GLIPR1: variants seen among roughly 807,000 people sequenced by gnomAD.
GLIPR1 encodes the protein GLI pathogenesis related 1, also known as glioma pathogenesis-related protein 1.
Under a neutral mutation model 30.3 loss-of-function variants are expected in GLIPR1, and 38 were observed. The ratio of observed to expected loss-of-function variants is 1.26; its 90% CI spans 0.97 to 1.65. The LOEUF (loss-of-function observed/expected upper bound fraction) is 1.65, where lower values mean the gene tolerates loss of function less well. Among genes scored for constraint, GLIPR1 ranks in the 40% most tolerant of loss-of-function variants. The pLI is 0.00. For synonymous variants in GLIPR1, 122 were observed against 110.6 expected (o/e 1.10, Z -0.65); for missense variants, 285 against 326.5 (o/e 0.87, Z 0.98).
chr12:75,487,632 A>G lies in GLIPR1; in HGVS notation c.421-2774A>G, dbSNP rs1161452519. ...GGAGAAGGCAGCCCACACTCTGCCC[A>G]TCATCTCCCTAGTCACGTCCCCACT... On this transcript the variant is annotated intron_variant, in intron 2 of 5. Transcript: ENST00000266659. The G allele has an allele frequency of 8.0e-6, 3 of 373,500 alleles. No individual in the cohort carries two copies. The Admixed American group carries it at 9.7e-5, about 12-fold the overall frequency. The allele number at this position is 373,500 out of a possible 1,614,324, so 23.1% of individuals were successfully genotyped here.
rs141156393 is a variant in GLIPR1, at chr12:75,498,334, C to A, written c.620-360C>A. 466 of 172,242 alleles carry A rather than the reference C, an allele frequency of 2.7e-3. 2 individuals carry two copies. The highest frequency in any genetic ancestry group is 0.01 in the African/African-American group (421 of 41,896). The allele number at this position is 172,242 out of a possible 1,614,324, so 10.7% of individuals were successfully genotyped here. A position where few individuals can be genotyped will look rare whatever the true frequency, so the allele number is the denominator to read the frequency against. On this transcript the variant is annotated intron_variant, in intron 4 of 5. Coordinates refer to ENST00000266659, the MANE Select transcript of GLIPR1 (RefSeq NM_006851.3). ...TCATCATAAACAGTATCATTCTTCT[C>A]AGGAAGAAACTTATTTTTAGAACTA...
chr12:75,498,580 A>C, intron 4 of GLIPR1, 114 bp from the exon 5 acceptor site: 1 of 779,728 alleles, frequency 1.3e-6, no homozygotes, highest in Non-Finnish European at 2.1e-6. Flanking sequence ...AAGTCACTGC[A>C]ATAAAGCCAA....
chr12:75,482,340 T>C (rs964127551), intron 2 of GLIPR1, among the ~76,000 whole-genome samples: 4 of 152,228 alleles, frequency 2.6e-5, no homozygotes, highest in African/African-American at 9.6e-5. Context: ...CATAGGACTT[T>C]ATTCCATTTG....
Position 75,480,826 on chromosome 12 carries a change from A to G in GLIPR1, c.-55A>G. 1.4e-6 allele frequency: 2 copies of G among 1,445,630 alleles called. No homozygotes were observed. The highest frequency in any genetic ancestry group is 1.9e-6 in the Non-Finnish European group (2 of 1,052,576). The allele number at this position is 1,445,630 out of a possible 1,614,324, so 89.6% of individuals were successfully genotyped here. The stretch of plus-strand genomic sequence containing the variant: ...TGAGCACTCAGGCAATCACACTCTC[A>G]GAAACTGCGGCGGCTCTGGACTGCA... On this transcript the variant is annotated 5_prime_UTR_variant, in exon 1 of 6. Transcript: ENST00000266659.
chr12:75,501,004 G>GT lies in GLIPR1; in HGVS notation c.*2027dup, dbSNP rs1397755774. On this transcript the variant is annotated 3_prime_UTR_variant, in exon 6 of 6. Transcript: ENST00000266659. The stretch of plus-strand genomic sequence containing the variant: ...ACAAGCAATATATTAAAATAATAAT[G>GT]TATTATATCTGTTTCTGACCCAGTC... 6.6e-6 allele frequency: 1 copy of GT among 151,952 alleles called. No homozygotes were observed. The highest frequency in any genetic ancestry group is 1.5e-5 in the Non-Finnish European group (1 of 67,958). The allele number at this position is 151,952 out of a possible 1,614,324, so 9.4% of individuals were successfully genotyped here.
chr12:75,491,176 G>A (rs1355861604), intron 3 of GLIPR1: 1 of 70,666 alleles, frequency 1.4e-5, no homozygotes, highest in African/African-American at 3.8e-5. Flanking sequence ...AAAAATGATA[G>A]ATTGTTTATA....
rs1271192685 is a variant in GLIPR1, at chr12:75,500,856, T to C, written c.*1878T>C. On this transcript the variant is annotated 3_prime_UTR_variant, in exon 6 of 6. Transcript: ENST00000266659. ...TTAGGGTAACTAGCTATTGAGTATA[T>C]TGAGTACCTTCAAAGCACTCAACTG... The C allele has an allele frequency of 3.3e-5, 5 of 152,196 alleles. No individual in the cohort carries two copies. In the South Asian group the frequency reaches 8.3e-4, roughly 25 times the overall value. 9.4% of individuals were successfully genotyped at this position (152,196 alleles called of 1,614,324 possible).
intron 4 of GLIPR1, 126 bp from the exon 5 acceptor site, chr12:75,498,568 G>T: frequency 1.5e-6 from 1 of 687,712 alleles, no homozygotes; most frequent in South Asian, 1.9e-5. Context: ...ATTAAACTTG[G>T]AAAGTCACTG....
rs919980700 is a variant in GLIPR1 at position 75,502,012 on chromosome 12, G to A, written c.*3034G>A. 44 of 1,601,972 alleles carry A rather than the reference G, an allele frequency of 2.7e-5. No individual in the cohort carries two copies. The highest frequency in any genetic ancestry group is 6.7e-5 in the East Asian group (3 of 44,730). ...AATTCTTTATCGATCTGTTGAAAACGGTATTTACAATTACATCAGAAATAA... is the reference window on the plus strand; with the variant it reads ...AATTCTTTATCGATCTGTTGAAAACAGTATTTACAATTACATCAGAAATAA... On this transcript the variant is annotated 3_prime_UTR_variant, in exon 6 of 6. Coordinates refer to ENST00000266659, the MANE Select transcript of GLIPR1 (RefSeq NM_006851.3).
intron 1 of GLIPR1, chr12:75,481,357 C>CTT (rs72137011): frequency 1.2e-4 from 18 of 145,926 alleles, no homozygotes; most frequent in South Asian, 4.0e-4. Flanking sequence ...ATTTGGTTTT[C>CTT]TTTTTTTTTT....
At chr12:75,487,745 C>T (rs1201622708) in intron 2 of GLIPR1, 1 of 456,442 alleles carries the variant, frequency 2.2e-6, no homozygotes, top group South Asian at 1.5e-5. Flanking sequence ...CCAGGTGTCA[C>T]AGGAAAGGGG....
At position 75,490,554 on chromosome 12, in the gene GLIPR1, C is replaced by A. The variant is rs543294913; in HGVS notation, c.533+36C>A. On this transcript the variant is annotated intron_variant, in intron 3 of 5. Transcript: ENST00000266659. ...GAATCAACCGGTTTATAGGAAACGC[C>A]CCCCCCCCCCCGCAAAAAAAAACAA... 339 of 109,680 alleles carry A rather than the reference C, an allele frequency of 3.1e-3. 78 individuals carry two copies. In the African/African-American group the frequency reaches 0.057, roughly 18 times the overall value. 6.8% of individuals were successfully genotyped at this position (109,680 alleles called of 1,614,324 possible). A position where few individuals can be genotyped will look rare whatever the true frequency, so the allele number is the denominator to read the frequency against.
intron 2 of GLIPR1, among the ~76,000 whole-genome samples, chr12:75,490,195 TCACACA>T (rs71829276): frequency 0.027 from 3,826 of 141,660 alleles, 60 homozygotes; most frequent in East Asian, 0.044. Flanking sequence ...TTATCTTATT[TCACACA>T]CACACACACA....
chr12:75,493,076 C>T (rs540933426), intron 3 of GLIPR1: 7 of 152,160 alleles, frequency 4.6e-5, no homozygotes, highest in Admixed American at 3.9e-4. Context: ...AGACTGGTGC[C>T]CTCGGTCTGC....
At chr12:75,490,715 G>GGA in intron 3 of GLIPR1, 197 bp downstream of exon 3, 3 of 478,332 alleles carry the variant, frequency 6.3e-6, no homozygotes, top group East Asian at 3.8e-5. Flanking sequence ...CATTTTTCTT[G>GGA]GAGAGAGAGA....
intron 1 of GLIPR1, chr12:75,481,510 G>C: frequency 1.0e-5 from 3 of 293,792 alleles, no homozygotes; most frequent in Non-Finnish European, 1.9e-5. Flanking sequence ...GCTTTAAGCT[G>C]GTTTTTAACC....
chr12:75,498,269 G>A (rs866751635), intron 4 of GLIPR1: 1 of 155,512 alleles, frequency 6.4e-6, no homozygotes, highest in African/African-American at 2.4e-5. Flanking sequence ...TGATATACTA[G>A]ACTGGATGAA....
intron 2 of GLIPR1, chr12:75,487,613 G>A (rs2046299592): frequency 2.9e-6 from 1 of 347,020 alleles, no homozygotes; most frequent in South Asian, 2.2e-5. Context: ...CCAAGGAGAA[G>A]GCAGCCCACA....
In GLIPR1 at chr12:75,503,340, GC is replaced by G. The variant is rs1327646951; in HGVS notation, c.*4363del. The stretch of plus-strand genomic sequence containing the variant: ...TCTAACTTAATTTGGTAGCCACGTT[GC>G]AAGGAAGAAGTCAAGTTTTTAGACT... On this transcript the variant is annotated 3_prime_UTR_variant, in exon 6 of 6. Coordinates refer to ENST00000266659, the MANE Select transcript of GLIPR1 (RefSeq NM_006851.3). 3 of 152,102 alleles carry G rather than the reference GC, an allele frequency of 2.0e-5. No homozygotes were observed. Among genetic ancestry groups the G allele is most frequent in the African/African-American group, 7.2e-5 (3 of 41,438 alleles). 9.4% of individuals were successfully genotyped at this position (152,102 alleles called of 1,614,324 possible). A position where few individuals can be genotyped will look rare whatever the true frequency, so the allele number is the denominator to read the frequency against.
Sources: allele counts gnomAD v4.1 joint callset (sites outside exome capture counted in the v4.1 genomes callset), GRCh38; gene constraint gnomAD v4.1.1; transcripts MANE v1.5; gene names NCBI Gene and HGNC (gene_info 2026-07-23, HGNC 2026-07-21).